Variants in DYSF observed in about 807,000 individuals in gnomAD.
DYSF encodes dystrophy-associated fer-1-like 1.
Under a neutral mutation model 274.9 loss-of-function variants are expected in DYSF, and 212 were observed. The ratio of observed to expected loss-of-function variants is 0.77; its 90% CI spans 0.69 to 0.86. The LOEUF is 0.86. Among genes scored for constraint, DYSF ranks in the 40% least tolerant of loss-of-function variants. DYSF has a pLI of 0.00. For missense variants in DYSF, 2,666 were observed against 2,783.2 expected, an observed-to-expected ratio of 0.96 and a Z score of 0.95; for synonymous variants, 1,091 against 1,078.7, an observed-to-expected ratio of 1.01 and a Z score of -0.22.
At chr2:71,650,826 A>G (rs2094644307) in intron 42 of DYSF, among the ~76,000 whole-genome samples, 1 of 152,206 alleles carries the variant, frequency 6.6e-6, no homozygotes, top group South Asian at 2.1e-4. Context: ...ACATCTAGGA[A>G]ACAGTGCTAA....
At chr2:71,546,432 T>C (rs1254347247) in intron 17 of DYSF, among the ~76,000 whole-genome samples, 1 of 152,264 alleles carries the variant, frequency 6.6e-6, no homozygotes, top group Admixed American at 6.5e-5. Flanking sequence ...TTTTTGTTTT[T>C]GTTTCCAGTG....
intron 45 of DYSF, among the ~76,000 whole-genome samples, chr2:71,664,066 T>C (rs113311827): frequency 1.3e-5 from 2 of 152,334 alleles, no homozygotes; most frequent in African/African-American, 4.8e-5. Flanking sequence ...CAGCACAGTT[T>C]ATTTGGGAAA....
At position 71,643,872 on chromosome 2, in the gene DYSF, C is replaced by A. The variant is rs769424824; in HGVS notation, c.4528-93C>A. On this transcript the variant is annotated intron_variant, in intron 41 of 55. Coordinates refer to ENST00000410020, the MANE Select transcript of DYSF (RefSeq NM_001130987.2). ...CTTAGGAAAGCCTTGTGGTCCAGAG[C>A]GGCCTAGCAGCGGAGGGAGGGTTTC... 3.5e-5 allele frequency: 33 copies of A among 940,654 alleles called. 1 individual carries two copies. The South Asian group carries it at 4.2e-4, about 12-fold the overall frequency. 58.3% of individuals were successfully genotyped at this position (940,654 alleles called of 1,614,324 possible).
chr2:71,584,854 G>A (rs553528151), intron 30 of DYSF, among the ~76,000 whole-genome samples: 1 of 152,314 alleles, frequency 6.6e-6, no homozygotes, highest in East Asian at 1.9e-4. Flanking sequence ...GCTCATTTGA[G>A]AAGACATTCC....
chr2:71,545,031 A>G (rs2090354373), intron 17 of DYSF, among the ~76,000 whole-genome samples: 1 of 152,192 alleles, frequency 6.6e-6, no homozygotes, highest in African/African-American at 2.4e-5. Flanking sequence ...AAGGACATGC[A>G]TGGTGAAAGA....
In DYSF at chr2:71,620,586, G is replaced by A. The variant is rs2094072352; in HGVS notation, c.4504G>A (p.Ala1502Thr). The change falls in exon 41 of 56, where the codon GCT becomes ACT. Residue 1502 changes from alanine to threonine, a missense_variant. By Grantham distance (58) the Ala-to-Thr change is moderately conservative (BLOSUM62 0). Coordinates refer to ENST00000410020, the MANE Select transcript of DYSF (RefSeq NM_001130987.2). Reference sequence around the variant, plus strand: ...GTCGAGCTTGGCCCCCACTAACACGGCTTCTCCTCCATCCAGTCCTCATGT... The same window carrying A: ...GTCGAGCTTGGCCCCCACTAACACGACTTCTCCTCCATCCAGTCCTCATGT... ...GLSSLAPTNTASPPSSPHEEE... is the reference protein window; with the variant it reads ...GLSSLAPTNTTSPPSSPHEEE... The A allele has an allele frequency of 6.4e-7, 1 of 1,551,390 alleles. No homozygotes were observed. Among genetic ancestry groups the A allele is most frequent in the African/African-American group, 1.4e-5 (1 of 73,026 alleles).
At chr2:71,665,649 C>T (rs1459733320) in intron 47 of DYSF, among the ~76,000 whole-genome samples, 1 of 152,192 alleles carries the variant, frequency 6.6e-6, no homozygotes, top group African/African-American at 2.4e-5. Flanking sequence ...GCTGGTCTGA[C>T]TCTGGTTGGA....
At position 71,551,242 on chromosome 2, in the gene DYSF, C is replaced by T. The variant is rs1007020007; in HGVS notation, c.1692+86C>T. 2.1e-6 allele frequency: 3 copies of T among 1,419,684 alleles called. No individual in the cohort carries two copies. The African/African-American group carries it at 4.2e-5, about 20-fold the overall frequency. 87.9% of individuals were successfully genotyped at this position (1,419,684 alleles called of 1,614,324 possible). A position where few individuals can be genotyped will look rare whatever the true frequency, so the allele number is the denominator to read the frequency against. On this transcript the variant is annotated intron_variant, in intron 18 of 55. Transcript: ENST00000410020. ...CAGGCCTGCATGCAGGGTCTTCCAG[C>T]CCCTCCTGGGGGCCCACGACCTGGC...
At chr2:71,542,231 C>G (rs1441853694) in intron 17 of DYSF, among the ~76,000 whole-genome samples, 1 of 152,106 alleles carries the variant, frequency 6.6e-6, no homozygotes, top group Non-Finnish European at 1.5e-5. Flanking sequence ...TACACAATAA[C>G]CTTAAAGTAA....
At chr2:71,533,318 C>T (rs904533224) in intron 14 of DYSF, among the ~76,000 whole-genome samples, 13 of 152,332 alleles carry the variant, frequency 8.5e-5, no homozygotes, top group Middle Eastern at 3.4e-3. Flanking sequence ...CGTGCCCAGC[C>T]GACTATAGAT....
At chr2:71,617,932 T>TGGGGTATAA (rs1209551590) in intron 40 of DYSF, among the ~76,000 whole-genome samples, 1 of 95,884 alleles carries the variant, frequency 1.0e-5, no homozygotes. Flanking sequence ...GTGGTAGAGG[T>TGGGGTATAA]GTGTGTGTGG....
chr2:71,680,008 A>T (rs1329889647), intron 53 of DYSF, among the ~76,000 whole-genome samples: 1 of 152,224 alleles, frequency 6.6e-6, no homozygotes, highest in Non-Finnish European at 1.5e-5. Context: ...GATAGTACTA[A>T]ACCCGTATTA....
chr2:71,497,845 C>T (rs1025401118), intron 3 of DYSF, among the ~76,000 whole-genome samples: 1 of 152,110 alleles, frequency 6.6e-6, no homozygotes, highest in African/African-American at 2.4e-5. Context: ...TACATGTGAG[C>T]GTGCATTCTT....
chr2:71,674,189 C>G lies in DYSF; in HGVS notation c.5785-8C>G. The G allele has an allele frequency of 1.9e-6, 3 of 1,613,682 alleles. No homozygotes were observed. The highest frequency in any genetic ancestry group is 2.5e-6 in the Non-Finnish European group (3 of 1,179,600). On this transcript the variant is annotated splice_region_variant and splice_polypyrimidine_tract_variant and intron_variant, in intron 51 of 55. Coordinates refer to ENST00000410020, the MANE Select transcript of DYSF (RefSeq NM_001130987.2). ...CTTGCATCCTTCTCTGTTCCTCTTC[C>G]GGGTCAGGATGCCTTCTGGAGGCTG...
chr2:71,581,194 A>G (rs1281381493), intron 30 of DYSF, among the ~76,000 whole-genome samples: 1 of 152,190 alleles, frequency 6.6e-6, no homozygotes, highest in South Asian at 2.1e-4. Context: ...TGGAAACCCT[A>G]GAGGGACAAG....
At position 71,553,809 on chromosome 2, in the gene DYSF, T is replaced by A. The variant is rs1573948553; in HGVS notation, c.1987T>A (p.Cys663Ser). ...TQYSRAVFDG[C>S]HYYYLPWGNV... ...TCAGGCCCGTCTCTCCATTCCAGGGTGCCACTACTACTACCTACCCTGGGG... is the reference window on the plus strand; with the variant it reads ...TCAGGCCCGTCTCTCCATTCCAGGGAGCCACTACTACTACCTACCCTGGGG... The change falls in exon 21 of 56, where the codon TGC becomes AGC. Residue 663 changes from cysteine (C) to serine (S), a missense_variant and splice_region_variant. By Grantham distance (112) the Cys-to-Ser change is moderately radical. This residue lies in a region of DYSF where 412 missense variants were observed against 504.0 expected (regional missense o/e 0.82). Transcript: ENST00000410020. 7.5e-7 allele frequency: 1 copy of A among 1,336,588 alleles called. No homozygotes were observed. Among genetic ancestry groups the A allele is most frequent in the Non-Finnish European group, 9.8e-7 (1 of 1,015,436 alleles). 82.8% of individuals were successfully genotyped at this position (1,336,588 alleles called of 1,614,324 possible).
chr2:71,455,042 A>G (rs1040578393), intron 1 of DYSF, among the ~76,000 whole-genome samples: 1 of 152,140 alleles, frequency 6.6e-6, no homozygotes, highest in African/African-American at 2.4e-5. Flanking sequence ...TCTGACTTCT[A>G]ACTACATCCC....
intron 52 of DYSF, among the ~76,000 whole-genome samples, chr2:71,677,363 C>A (rs1050801478): frequency 3.3e-5 from 5 of 152,160 alleles, no homozygotes; most frequent in African/African-American, 1.2e-4. Flanking sequence ...AATAATTTTT[C>A]TATTGATCTC....
chr2:71,618,622 G>GT (rs201601223), intron 40 of DYSF, among the ~76,000 whole-genome samples: 1 of 78,914 alleles, frequency 1.3e-5, no homozygotes. Context: ...TGGTAGAGGT[G>GT]GTGTGTGTGT....
Sources: allele counts gnomAD v4.1 joint callset (sites outside exome capture counted in the v4.1 genomes callset), GRCh38; gene constraint gnomAD v4.1.1; regional missense constraint gnomAD v4.1.1; transcripts MANE v1.5; gene names NCBI Gene and HGNC (gene_info 2026-07-23, HGNC 2026-07-21).